Variants in CNTN4 observed in about 807,000 individuals in gnomAD.
CNTN4 encodes contactin-4.
A neutral mutation model predicts 122.5 loss-of-function variants in CNTN4; 77 were observed. That is an observed-to-expected ratio of 0.63 (90% CI 0.52 to 0.76). The LOEUF is 0.76. Among genes scored for constraint, CNTN4 ranks in the 30% least tolerant of loss-of-function variants. The probability of loss-of-function intolerance (pLI) is 0.00; values close to 1 mark genes in which losing one functional copy is unlikely to be tolerated. For synonymous variants in CNTN4, 512 were observed against 447.0 expected (o/e 1.15, Z -1.83); for missense variants, 1,256 against 1,259.1 (o/e 1.00, Z 0.04).
chr3:2,300,515 A>T (rs1012654933), intron 2 of CNTN4, among the ~76,000 whole-genome samples: 4 of 137,704 alleles, frequency 2.9e-5, no homozygotes, highest in Non-Finnish European at 6.2e-5. Flanking sequence ...TGCTCTTTCC[A>T]TTTAGCCCCA....
At chr3:2,333,750 T>C (rs181696451) in intron 2 of CNTN4, among the ~76,000 whole-genome samples, 2 of 152,320 alleles carry the variant, frequency 1.3e-5, no homozygotes, top group African/African-American at 4.8e-5. Flanking sequence ...TGCATTTAAA[T>C]GTAATCTGTT....
chr3:2,116,772 T>TA (rs796333263), intron 2 of CNTN4, among the ~76,000 whole-genome samples: 12 of 152,276 alleles, frequency 7.9e-5, no homozygotes, highest in African/African-American at 2.9e-4. Flanking sequence ...GCCAACTCCC[T>TA]ACCCAACACA....
intron 13 of CNTN4, among the ~76,000 whole-genome samples, chr3:2,945,627 AG>A (rs2094668491): frequency 1.3e-5 from 2 of 152,168 alleles, no homozygotes; most frequent in African/African-American, 4.8e-5. Flanking sequence ...GGAGACAGGA[AG>A]GAAAGGAAGA....
At chr3:2,294,797 A>G (rs2042249234) in intron 2 of CNTN4, among the ~76,000 whole-genome samples, 1 of 152,084 alleles carries the variant, frequency 6.6e-6, no homozygotes, top group South Asian at 2.1e-4. Flanking sequence ...ATTTAGCATT[A>G]GGTATATCTC....
At chr3:2,210,198 T>TA (rs2149435251) in intron 2 of CNTN4, among the ~76,000 whole-genome samples, 1 of 152,244 alleles carries the variant, frequency 6.6e-6, no homozygotes, top group African/African-American at 2.4e-5. Flanking sequence ...AAGCTGATTT[T>TA]AAAAAATGAT....
chr3:2,420,320 A>G (rs2047568296), intron 3 of CNTN4, among the ~76,000 whole-genome samples: 1 of 152,226 alleles, frequency 6.6e-6, no homozygotes, highest in African/African-American at 2.4e-5. Flanking sequence ...GAGGTGCTGT[A>G]TAAATACCAA....
intron 5 of CNTN4, among the ~76,000 whole-genome samples, chr3:2,744,982 G>A (rs1049879819): frequency 6.6e-6 from 1 of 152,200 alleles, no homozygotes; most frequent in Non-Finnish European, 1.5e-5. Flanking sequence ...CACGGTTAAA[G>A]CAGGTTTGGT....
At chr3:2,445,285 C>T (rs2048583055) in intron 3 of CNTN4, among the ~76,000 whole-genome samples, 1 of 152,116 alleles carries the variant, frequency 6.6e-6, no homozygotes, top group South Asian at 2.1e-4. Flanking sequence ...TAACAGCCTT[C>T]CTGCTGGTTA....
At chr3:2,121,086 T>C (rs2033750212) in intron 2 of CNTN4, among the ~76,000 whole-genome samples, 1 of 143,232 alleles carries the variant, frequency 7.0e-6, no homozygotes, top group Non-Finnish European at 1.6e-5. Flanking sequence ...CTCCCTCCCT[T>C]CCTTCCCTCC....
chr3:2,495,772 G>A (rs771941682), intron 3 of CNTN4, among the ~76,000 whole-genome samples: 5 of 152,268 alleles, frequency 3.3e-5, no homozygotes, highest in Middle Eastern at 3.4e-3. Flanking sequence ...TGCCTGGTCC[G>A]TGGAAAAATT....
At chr3:2,778,945 T>G (rs773883980) in intron 6 of CNTN4, among the ~76,000 whole-genome samples, 4 of 152,208 alleles carry the variant, frequency 2.6e-5, no homozygotes, top group Non-Finnish European at 5.9e-5. Flanking sequence ...CTTTATAACT[T>G]TTGCTATTAG....
rs534972465 is a variant in CNTN4 at position 2,217,324 on chromosome 3, C to T, written c.-145+116685C>T. 5.3e-5 allele frequency among the ~76,000 whole-genome samples: 8 copies of T among 152,252 alleles called. No homozygotes were observed. In the South Asian group the frequency reaches 1.5e-3, roughly 28 times the overall value. On this transcript the variant is annotated intron_variant, in intron 2 of 24. Coordinates refer to ENST00000418658, the MANE Select transcript of CNTN4 (RefSeq NM_175607.3). Reference sequence around the variant, plus strand: ...CTGACTGGGCTCCCTGTCTTGTCGCCTTTCTGACCTCGAGGGCTGGTCTAG... The same window carrying T: ...CTGACTGGGCTCCCTGTCTTGTCGCTTTTCTGACCTCGAGGGCTGGTCTAG...
intron 23 of CNTN4, among the ~76,000 whole-genome samples, chr3:3,046,171 C>T (rs375294917): frequency 1.3e-5 from 2 of 152,136 alleles, no homozygotes; most frequent in Non-Finnish European, 1.5e-5. Context: ...CTGAAAGTGA[C>T]GGGGAGAATG....
At chr3:2,982,650 G>C (rs1258779438) in intron 13 of CNTN4, among the ~76,000 whole-genome samples, 2 of 152,154 alleles carry the variant, frequency 1.3e-5, no homozygotes, top group Non-Finnish European at 2.9e-5. Flanking sequence ...TCCTGGTTTT[G>C]ATGGCATGCT....
intron 3 of CNTN4, among the ~76,000 whole-genome samples, chr3:2,554,675 G>A (rs1455870519): frequency 6.6e-6 from 1 of 152,090 alleles, no homozygotes; most frequent in East Asian, 1.9e-4. Flanking sequence ...TATCACAAAA[G>A]CAGTCATAGG....
chr3:2,466,635 G>C (rs768739888), intron 3 of CNTN4, among the ~76,000 whole-genome samples: 1 of 152,116 alleles, frequency 6.6e-6, no homozygotes, highest in Non-Finnish European at 1.5e-5. Flanking sequence ...GGCATTGGCT[G>C]TCATAGCTGT....
chr3:2,714,546 A>G (rs2087362221), intron 4 of CNTN4, among the ~76,000 whole-genome samples: 1 of 152,132 alleles, frequency 6.6e-6, no homozygotes. Context: ...TGCCAATGCC[A>G]AGGAACCCAT....
At position 2,509,277 on chromosome 3, in the gene CNTN4, C is replaced by A. The variant is rs73114224; in HGVS notation, c.-88-62139C>A. ...CTGCGTGGAGTAGATCTGCTAAAGT[C>A]TCAATAATAATGAGCCTGATAAAAA... On this transcript the variant is annotated intron_variant, in intron 3 of 24. Coordinates refer to ENST00000418658, the MANE Select transcript of CNTN4 (RefSeq NM_175607.3). Among the ~76,000 whole-genome samples, 497 of 152,214 alleles carry A rather than the reference C, an allele frequency of 3.3e-3. 3 individuals carry two copies. Among genetic ancestry groups the A allele is most frequent in the African/African-American group, 0.011 (472 of 41,514 alleles).
chr3:2,680,321 G>A (rs2085098041), intron 4 of CNTN4, among the ~76,000 whole-genome samples: 1 of 152,184 alleles, frequency 6.6e-6, no homozygotes, highest in African/African-American at 2.4e-5. Flanking sequence ...ACTGGGGAAA[G>A]GGCATGCTGG....
Sources: allele counts gnomAD v4.1 joint callset (sites outside exome capture counted in the v4.1 genomes callset), GRCh38; gene constraint gnomAD v4.1.1; transcripts MANE v1.5; gene names NCBI Gene and HGNC (gene_info 2026-07-23, HGNC 2026-07-21).